Variants in CNGA1 observed in about 807,000 individuals in gnomAD.
CNGA1 encodes the protein cyclic nucleotide-gated channel alpha-1.
Under a neutral mutation model 69.7 loss-of-function variants are expected in CNGA1, and 53 were observed. The ratio of observed to expected loss-of-function variants is 0.76; its 90% confidence interval spans 0.61 to 0.96. The LOEUF (loss-of-function observed/expected upper bound fraction) is 0.96, where lower values mean the gene tolerates loss of function less well. Among genes scored for constraint, CNGA1 ranks in the 40% least tolerant of loss-of-function variants. The pLI is 0.00. For missense variants in CNGA1, 739 were observed against 811.2 expected (o/e 0.91, Z 1.08); for synonymous variants, 249 against 283.5 (o/e 0.88, Z 1.22).
At position 47,951,479 on chromosome 4, in the gene CNGA1, A is replaced by G. The variant is rs376591580; in HGVS notation, c.108-10T>C. 6.4e-6 allele frequency: 10 copies of G among 1,553,104 alleles called. No homozygotes were observed. Among genetic ancestry groups the G allele is most frequent in the Non-Finnish European group, 8.9e-6 (10 of 1,124,782 alleles). ...ATCCTCAGAAAAGGAGCTACAGTCC[A>G]ATAGGAGGCAGAGAGAGAAGAGTTA... On this transcript the variant is annotated splice_polypyrimidine_tract_variant and intron_variant, in intron 4 of 10. Coordinates refer to ENST00000514170, the MANE Select transcript of CNGA1 (RefSeq NM_001379270.1).
At chr4:47,941,509 C>T (rs570127711) in intron 9 of CNGA1, among the ~76,000 whole-genome samples, 31 of 152,152 alleles carry the variant, frequency 2.0e-4, no homozygotes, top group Non-Finnish European at 3.8e-4. Flanking sequence ...CTATTGGCAA[C>T]ATTTTTTTCT....
chr4:47,936,588 G>T lies in CNGA1; in HGVS notation c.1894C>A (p.Leu632Ile), dbSNP rs766736379. 1.9e-6 allele frequency: 3 copies of T among 1,614,152 alleles called. No homozygotes were observed. The South Asian group carries it at 3.3e-5, about 18-fold the overall frequency. ...ATTCGGGCAAACCTGGTTTGCAGGA[G>T]GTCTACTGACCCCTCCATTCGAGTA... Reference protein sequence around the residue: ...KVTRMEGSVDLLQTRFARILA... With the variant: ...KVTRMEGSVDILQTRFARILA... Residue 632 changes from leucine (L) to isoleucine (I), a missense_variant, in exon 11 of 11, where the codon CTC (leucine) becomes ATC (isoleucine). By Grantham distance (5) the Leu-to-Ile change is conservative (BLOSUM62 2). Coordinates refer to ENST00000514170, the MANE Select transcript of CNGA1 (RefSeq NM_001379270.1).
At chr4:48,003,196 CA>C (rs1433171096) in intron 2 of CNGA1, among the ~76,000 whole-genome samples, 3 of 152,048 alleles carry the variant, frequency 2.0e-5, no homozygotes, top group Admixed American at 2.0e-4. Context: ...CAGGATAACT[CA>C]AAGCAAAAGC....
intron 2 of CNGA1, among the ~76,000 whole-genome samples, chr4:47,992,585 T>C (rs1742315595): frequency 6.6e-6 from 1 of 152,100 alleles, no homozygotes; most frequent in Admixed American, 6.6e-5. Context: ...TTTAGGATTT[T>C]CTAGGTAAAC....
chr4:47,982,375 A>G lies in CNGA1; in HGVS notation c.-122-875T>C, dbSNP rs1265167668. On this transcript the variant is annotated intron_variant, in intron 2 of 10. Transcript: ENST00000514170. ...TCAGTTGAATGGTTTCAGCTCCAGT[A>G]GCGTAGGAGGCTCTCAAGAGAGGAG... Among the ~76,000 whole-genome samples, 5 of 152,224 alleles carry G rather than the reference A, an allele frequency of 3.3e-5. No individual in the cohort carries two copies. In the East Asian group the frequency reaches 9.6e-4, roughly 29 times the overall value.
chr4:47,947,105 G>A (rs532263350), intron 6 of CNGA1, among the ~76,000 whole-genome samples: 1 of 152,036 alleles, frequency 6.6e-6, no homozygotes, highest in Non-Finnish European at 1.5e-5. Context: ...CCTTCTTTAT[G>A]TCATTTCCAC....
At chr4:47,984,140 T>C (rs1249694042) in intron 2 of CNGA1, among the ~76,000 whole-genome samples, 1 of 152,150 alleles carries the variant, frequency 6.6e-6, no homozygotes, top group Non-Finnish European at 1.5e-5. Flanking sequence ...ATTAGTCAAG[T>C]CGCCTATTTC....
chr4:47,940,967 C>T (rs1000198094), intron 9 of CNGA1, 98 bp from the exon 10 acceptor site: 2 of 772,616 alleles, frequency 2.6e-6, no homozygotes, highest in African/African-American at 1.7e-5. Flanking sequence ...ATGAGAAGCA[C>T]AGCACACTCA....
At chr4:47,940,714 A>C in intron 10 of CNGA1, 49 bp downstream of exon 10, 1 of 1,176,368 alleles carries the variant, frequency 8.5e-7, no homozygotes, top group Non-Finnish European at 1.3e-6. Context: ...TTACAATGCT[A>C]GAGATAAAAG....
At position 47,942,154 on chromosome 4, in the gene CNGA1, G is replaced by A. The variant is rs794727950; in HGVS notation, c.438-6C>T. On this transcript the variant is annotated splice_polypyrimidine_tract_variant and splice_region_variant and intron_variant, in intron 8 of 10. Coordinates refer to ENST00000514170, the MANE Select transcript of CNGA1 (RefSeq NM_001379270.1). ...CCACAACTTCTTTCTTCTCCCTAGC[G>A]GCAATTAGAAATAAAGGGGATAGTT... The A allele has an allele frequency of 2.0e-5, 32 of 1,572,136 alleles. 1 individual carries two copies. In the Middle Eastern group the frequency reaches 5.0e-4, roughly 24 times the overall value.
At chr4:47,980,741 T>C (rs1425974627) in intron 3 of CNGA1, among the ~76,000 whole-genome samples, 6 of 152,182 alleles carry the variant, frequency 3.9e-5, no homozygotes, top group Non-Finnish European at 7.4e-5. Context: ...CCCAGAGTGC[T>C]GGGATTACAG....
At chr4:47,939,138 A>C (rs1480291114) in intron 10 of CNGA1, among the ~76,000 whole-genome samples, 2 of 152,192 alleles carry the variant, frequency 1.3e-5, no homozygotes, top group South Asian at 4.1e-4. Context: ...GGGGCTGGTC[A>C]CCAGAAAGAC....
At chr4:47,953,435 T>C (rs887090126) in intron 3 of CNGA1, among the ~76,000 whole-genome samples, 7 of 152,338 alleles carry the variant, frequency 4.6e-5, no homozygotes, top group Middle Eastern at 3.4e-3. Context: ...ATGGAGGTAA[T>C]CTGCTGTGAA....
chr4:48,016,563 C>T lies in CNGA1; in HGVS notation c.-303G>A. 1 of 485,776 alleles carries T rather than the reference C, an allele frequency of 2.1e-6. No individual in the cohort carries two copies. The highest frequency in any genetic ancestry group is 3.6e-6 in the Non-Finnish European group (1 of 277,610). The allele number at this position is 485,776 out of a possible 1,614,324, so 30.1% of individuals were successfully genotyped here. ...TTCTCTAGTTCGCGGCTCCAGCAGTCGCGCCAAGGGGCAGCTGCTACTCCT... is the reference window on the plus strand; with the variant it reads ...TTCTCTAGTTCGCGGCTCCAGCAGTTGCGCCAAGGGGCAGCTGCTACTCCT... On this transcript the variant is annotated 5_prime_UTR_variant, in exon 1 of 11. Coordinates refer to ENST00000514170, the MANE Select transcript of CNGA1 (RefSeq NM_001379270.1).
chr4:47,990,761 T>C (rs1265801100), intron 2 of CNGA1, among the ~76,000 whole-genome samples: 1 of 152,186 alleles, frequency 6.6e-6, no homozygotes, highest in Non-Finnish European at 1.5e-5. Context: ...TTTTTCTTTA[T>C]TTCTCAGACC....
chr4:47,961,130 G>GA (rs1301184571), intron 3 of CNGA1, among the ~76,000 whole-genome samples: 1 of 151,988 alleles, frequency 6.6e-6, no homozygotes, highest in Non-Finnish European at 1.5e-5. Context: ...CTCCAGAATG[G>GA]AAAAAAAGAA....
Position 48,010,267 on chromosome 4 carries a change from AG to A in CNGA1, c.-123+526del, listed in dbSNP as rs1715095832. 3.3e-5 allele frequency among the ~76,000 whole-genome samples: 5 copies of A among 152,372 alleles called. No individual in the cohort carries two copies. In the South Asian group the frequency reaches 1.0e-3, roughly 32 times the overall value. ...ATAAGGAGACCAATTTTATTTAGATAGGGACTATTTATTTTTTAACTGGATC... is the reference window on the plus strand; with the variant it reads ...ATAAGGAGACCAATTTTATTTAGATAGGACTATTTATTTTTTAACTGGATC... On this transcript the variant is annotated intron_variant, in intron 2 of 10. Coordinates refer to ENST00000514170, the MANE Select transcript of CNGA1 (RefSeq NM_001379270.1).
intron 3 of CNGA1, among the ~76,000 whole-genome samples, chr4:47,957,833 C>T (rs2110171295): frequency 6.6e-6 from 1 of 151,726 alleles, no homozygotes; most frequent in Middle Eastern, 3.5e-3. Context: ...CCTTGATTAG[C>T]TTTGGCCATT....
chr4:48,007,098 T>G (rs1714953112), intron 2 of CNGA1, among the ~76,000 whole-genome samples: 1 of 152,132 alleles, frequency 6.6e-6, no homozygotes, highest in African/African-American at 2.4e-5. Flanking sequence ...AGAGGACACT[T>G]AACTTTCTAA....
Sources: gnomAD v4.1 joint callset for allele counts (sites outside exome capture counted in the v4.1 genomes callset) on GRCh38, gnomAD v4.1.1 for gene constraint, MANE v1.5 for transcripts, NCBI Gene and HGNC (gene_info 2026-07-23, HGNC 2026-07-21) for gene names.